The following CDKL5 variants were observed in gnomAD, a reference collection of about 807,000 sequenced individuals.
The protein encoded by CDKL5 is cyclin dependent kinase like 5, also known as cyclin-dependent kinase-like 5.
In CDKL5, 8 loss-of-function variants were observed where a neutral mutation model predicts 61.7. The ratio of observed to expected loss-of-function variants is 0.13; its 90% CI spans 0.08 to 0.23. CDKL5 has a LOEUF of 0.23. Ranked by LOEUF, CDKL5 falls within the 10% of genes least tolerant of loss-of-function variation. The probability of loss-of-function intolerance (pLI) is 1.00; values close to 1 mark genes in which losing one functional copy is unlikely to be tolerated. For missense variants in CDKL5, 440 were observed against 734.5 expected, an observed-to-expected ratio of 0.60 and a Z score of 4.63; for synonymous variants, 275 against 272.3, an observed-to-expected ratio of 1.01 and a Z score of -0.10.
rs778860276 is a variant in CDKL5 at position 18,516,750 on chromosome X, T to C, written c.99+5896T>C. ...TCCATGCTGATCTGACTTTTTGTTT[T>C]TTTGAGATGAAGTTTTGCTCTTGTC... is the stretch of plus-strand genomic sequence containing the variant. On this transcript the variant is annotated intron_variant, in intron 3 of 17. Coordinates refer to ENST00000623535, the MANE Select transcript of CDKL5 (RefSeq NM_001323289.2). Among the ~76,000 whole-genome samples the C allele has an allele frequency of 1.1e-4, 12 of 111,481 alleles. No individual in the cohort carries two copies. The Admixed American group carries it at 1.1e-3, about 11-fold the overall frequency.
chrX:18,563,605 A>G (rs1341806193), intron 3 of CDKL5, among the ~76,000 whole-genome samples: 1 of 111,789 alleles, frequency 8.9e-6, no homozygotes, highest in Non-Finnish European at 1.9e-5. Flanking sequence ...TTTTGTTTTG[A>G]TGCAGGGACA....
chrX:18,653,589 C>T, exon 22 of CDKL5: 2 of 1,183,274 alleles, frequency 1.7e-6, no homozygotes, highest in Non-Finnish European at 2.3e-6. Context: ...AATCACCTCT[C>T]TCATGGAAGA....
chrX:18,629,513 G>A lies in CDKL5; in HGVS notation c.*756G>A, dbSNP rs968134987. The stretch of plus-strand genomic sequence containing the variant: ...AATATATTCATTTAAAGAAAGTATC[G>A]TTATGACACTATCTGCCATATTTTT... On this transcript the variant is annotated 3_prime_UTR_variant, in exon 18 of 18. Transcript: ENST00000623535. The A allele has an allele frequency of 2.1e-5, 14 of 655,361 alleles. No individual in the cohort carries two copies. Among genetic ancestry groups the A allele is most frequent in the East Asian group, 1.6e-4 (1 of 6,163 alleles). The allele number at this position is 655,361 out of a possible 1,213,427, so 54.0% of individuals were successfully genotyped here.
intron 1 of CDKL5, among the ~76,000 whole-genome samples, chrX:18,468,172 T>C (rs1045924379): frequency 8.9e-6 from 1 of 111,777 alleles, no homozygotes; most frequent in Admixed American, 9.6e-5. Flanking sequence ...AAAAAATAGC[T>C]ATAGCTATAA....
At chrX:18,546,927 A>C (rs1256824011) in intron 3 of CDKL5, among the ~76,000 whole-genome samples, 1 of 111,604 alleles carries the variant, frequency 9.0e-6, no homozygotes, top group Non-Finnish European at 1.9e-5. Context: ...AAGGAGTAAA[A>C]GGAGTGAACT....
At chrX:18,586,777 T>A in intron 8 of CDKL5, among the ~76,000 whole-genome samples, 1 of 111,831 alleles carries the variant, frequency 8.9e-6, no homozygotes, top group Non-Finnish European at 1.9e-5. Context: ...GTAGTGAGTA[T>A]GTGAAAATTT....
chrX:18,456,542 C>T (rs773012227), intron 1 of CDKL5, among the ~76,000 whole-genome samples: 58 of 112,210 alleles, frequency 5.2e-4, no homozygotes, highest in Non-Finnish European at 9.4e-4. Flanking sequence ...ATACATAGTT[C>T]TTGTCTGTGG....
intron 11 of CDKL5, among the ~76,000 whole-genome samples, chrX:18,603,412 A>G (rs760166599): frequency 8.9e-6 from 1 of 112,504 alleles, no homozygotes; most frequent in African/African-American, 3.2e-5. Flanking sequence ...GTGTCTGTGT[A>G]TGTGCTGTGA....
At chrX:18,564,340 G>A (rs1924894151) in intron 3 of CDKL5, 137 bp from the exon 4 acceptor site, 4 of 338,969 alleles carry the variant, frequency 1.2e-5, no homozygotes, top group South Asian at 5.6e-5. Flanking sequence ...GAGAGGTGGC[G>A]GGGGAGAGGA....
chrX:18,498,119 G>A (rs990543396), intron 1 of CDKL5, among the ~76,000 whole-genome samples: 2 of 110,800 alleles, frequency 1.8e-5, no homozygotes, highest in African/African-American at 6.6e-5. Flanking sequence ...CCAAAATGCC[G>A]GGCTGCCATA....
chrX:18,645,538 A>C, intron 19 of CDKL5, among the ~76,000 whole-genome samples: 1 of 104,930 alleles, frequency 9.5e-6, no homozygotes, highest in African/African-American at 3.5e-5. Context: ...CCTCCTCTCC[A>C]CCTCCAGTGC....
At chrX:18,429,802 A>G (rs768381437) in intron 1 of CDKL5, among the ~76,000 whole-genome samples, 12 of 110,179 alleles carry the variant, frequency 1.1e-4, no homozygotes, top group Admixed American at 9.7e-5. Context: ...TACCAGGCCA[A>G]TTTTTCTTTA....
chrX:18,454,316 A>G (rs1932091360), intron 1 of CDKL5, among the ~76,000 whole-genome samples: 1 of 105,935 alleles, frequency 9.4e-6, no homozygotes, highest in African/African-American at 3.5e-5. Context: ...GGCTCACTGC[A>G]ACCTCCGCTT....
chrX:18,505,037 G>T (rs1216940663), intron 1 of CDKL5, among the ~76,000 whole-genome samples: 1 of 110,889 alleles, frequency 9.0e-6, no homozygotes, highest in Non-Finnish European at 1.9e-5. Flanking sequence ...TGTTACCACT[G>T]TTATTCTTAG....
intron 1 of CDKL5, among the ~76,000 whole-genome samples, chrX:18,439,296 G>A (rs1295092550): frequency 9.1e-6 from 1 of 109,552 alleles, no homozygotes; most frequent in Non-Finnish European, 1.9e-5. Flanking sequence ...CAGATGAAGG[G>A]GAAGCCAAAG....
At chrX:18,543,978 G>C (rs1269228503) in intron 3 of CDKL5, among the ~76,000 whole-genome samples, 1 of 111,916 alleles carries the variant, frequency 8.9e-6, no homozygotes, top group East Asian at 2.8e-4. Context: ...TTGTTACTCT[G>C]GTTACAATTA....
At chrX:18,649,640 G>A (rs1044768827) in intron 20 of CDKL5, among the ~76,000 whole-genome samples, 3 of 111,887 alleles carry the variant, frequency 2.7e-5, no homozygotes, top group African/African-American at 9.7e-5. Context: ...GAGTACTCAA[G>A]TACTCAAGAA....
At position 18,454,730 on chromosome X, in the gene CDKL5, A is replaced by T. The variant is rs1415928972; in HGVS notation, c.-163+29035A>T. Reference sequence around the variant, plus strand: ...CACTACCATGCTGGCTAATTTTTACATTTTTAGTAGAGATGAGGTTTCACC... The same window carrying T: ...CACTACCATGCTGGCTAATTTTTACTTTTTTAGTAGAGATGAGGTTTCACC... On this transcript the variant is annotated intron_variant, in intron 1 of 17. Coordinates refer to ENST00000623535, the MANE Select transcript of CDKL5 (RefSeq NM_001323289.2). 3.7e-5 allele frequency among the ~76,000 whole-genome samples: 4 copies of T among 107,785 alleles called. 1 individual carries two copies. In the East Asian group the frequency reaches 1.2e-3, roughly 31 times the overall value. 93.6% of individuals were successfully genotyped at this position (107,785 alleles called of 115,157 possible).
chrX:18,497,228 C>G (rs996921624), intron 1 of CDKL5: 1 of 111,130 alleles, frequency 9.0e-6, no homozygotes, highest in African/African-American at 3.3e-5. Flanking sequence ...CTTTTTGCTT[C>G]TACTACTGAA....
Sources: gnomAD v4.1 joint callset for allele counts (sites outside exome capture counted in the v4.1 genomes callset) on GRCh38, gnomAD v4.1.1 for gene constraint, MANE v1.5 for transcripts, NCBI Gene and HGNC (gene_info 2026-07-23, HGNC 2026-07-21) for gene names.